Variants in CLIP2 observed in about 807,000 individuals in gnomAD.
CLIP2 encodes CAP-Gly domain containing linker protein 2.
In CLIP2, 41 loss-of-function variants were observed where a neutral mutation model predicts 111.7. The observed-to-expected ratio is 0.37, with a 90% CI of 0.29 to 0.48. The LOEUF is 0.48. Ranked by LOEUF, CLIP2 falls within the 20% of genes least tolerant of loss-of-function variation. The pLI, the probability that CLIP2 is intolerant of heterozygous loss-of-function variation, is 0.99. For synonymous variants in CLIP2, 660 were observed against 644.2 expected, an observed-to-expected ratio of 1.02 and a Z score of -0.37; for missense variants, 1,160 against 1,422.1, an observed-to-expected ratio of 0.82 and a Z score of 2.96.
Position 74,392,869 on chromosome 7 carries a change from A to T in CLIP2, c.2720+3610A>T, listed in dbSNP as rs76274003. Among the ~76,000 whole-genome samples the T allele has an allele frequency of 1.3e-3, 195 of 152,192 alleles. No homozygotes were observed. The East Asian group carries it at 0.025, about 20-fold the overall frequency. On this transcript the variant is annotated intron_variant, in intron 13 of 16. Transcript: ENST00000223398. ...ATTTTAAAAAATAACAAATGGCAAG[A>T]CCTAACAACACAGGACAGACTTCCA...
At chr7:74,399,542 T>TTGG (rs1491240525) in intron 14 of CLIP2, among the ~76,000 whole-genome samples, 7 of 44,602 alleles carry the variant, frequency 1.6e-4, no homozygotes, top group African/African-American at 4.6e-4. Context: ...AGTCTTTTTT[T>TTGG]GGGGGGGGGG....
intron 2 of CLIP2, among the ~76,000 whole-genome samples, chr7:74,335,557 C>G (rs1350798636): frequency 1.5e-5 from 2 of 135,762 alleles, no homozygotes; most frequent in East Asian, 4.4e-4. Flanking sequence ...GCAGGCTGTT[C>G]TTGAACTCCT....
chr7:74,338,404 G>A lies in CLIP2; in HGVS notation c.122-44G>A. 4.4e-6 allele frequency: 7 copies of A among 1,594,036 alleles called. No individual in the cohort carries two copies. Among genetic ancestry groups the A allele is most frequent in the Non-Finnish European group, 6.0e-6 (7 of 1,171,808 alleles). On this transcript the variant is annotated intron_variant, in intron 2 of 16. Transcript: ENST00000223398. The surrounding 1 kb of genome is among the most constrained non-coding windows in gnomAD (Gnocchi z 4.3). ...TGCTCCTGGGGCCACCCAGGGGCCAGCCCTAACAGCCACCTCTTTCCCTTT... is the reference window on the plus strand; with the variant it reads ...TGCTCCTGGGGCCACCCAGGGGCCAACCCTAACAGCCACCTCTTTCCCTTT...
Position 74,338,126 on chromosome 7 carries a change from C to T in CLIP2, c.122-322C>T, listed in dbSNP as rs1274673920. Among the ~76,000 whole-genome samples, 2 of 152,104 alleles carry T rather than the reference C, an allele frequency of 1.3e-5. No homozygotes were observed. Among genetic ancestry groups the T allele is most frequent in the African/African-American group, 4.8e-5 (2 of 41,410 alleles). On this transcript the variant is annotated intron_variant, in intron 2 of 16. Transcript: ENST00000223398. The surrounding 1 kb of genome is among the most constrained non-coding windows in gnomAD (Gnocchi z 4.3). The stretch of plus-strand genomic sequence containing the variant: ...GCTGAGGTAGAGGATTGCTGGAGCC[C>T]AGGAAGTCAAGACTGCAGTGAGCCA...
rs376389922 is a variant in CLIP2, at chr7:74,344,599, C to T, written c.678+5595C>T. Among the ~76,000 whole-genome samples, 39 of 152,020 alleles carry T rather than the reference C, an allele frequency of 2.6e-4. 1 individual carries two copies. The East Asian group carries it at 6.0e-3, about 23-fold the overall frequency. On this transcript the variant is annotated intron_variant, in intron 3 of 16. Transcript: ENST00000223398. ...ATTTTTTTTGCAGAGATGGGGGTCT[C>T]GCTACATTCCTCAGGCTGGCCTCAA...
chr7:74,392,614 G>A (rs544896987), intron 13 of CLIP2, among the ~76,000 whole-genome samples: 1 of 152,122 alleles, frequency 6.6e-6, no homozygotes, highest in East Asian at 1.9e-4. Flanking sequence ...ATCACCTGAG[G>A]TCAGGAGTTC....
At chr7:74,400,581 C>T (rs539951413) in intron 15 of CLIP2, 26 bp downstream of exon 15, 2 of 1,514,318 alleles carry the variant, frequency 1.3e-6, no homozygotes, top group East Asian at 2.5e-5. Context: ...CAGGGCCCAC[C>T]AGGAGGCAAG....
intron 1 of CLIP2, among the ~76,000 whole-genome samples, chr7:74,295,409 A>G (rs1205452468): frequency 1.3e-5 from 2 of 152,100 alleles, no homozygotes; most frequent in African/African-American, 4.8e-5. Flanking sequence ...ATTCTCCCAC[A>G]TTGAGTGTGA....
chr7:74,374,366 C>A (rs1158280765), intron 9 of CLIP2, among the ~76,000 whole-genome samples: 3 of 152,288 alleles, frequency 2.0e-5, no homozygotes, highest in African/African-American at 7.2e-5. Flanking sequence ...TCACGGCGGA[C>A]CGGCCGGAGC....
At chr7:74,361,322 A>G (rs1790327594) in intron 7 of CLIP2, among the ~76,000 whole-genome samples, 1 of 150,796 alleles carries the variant, frequency 6.6e-6, no homozygotes, top group African/African-American at 2.4e-5. Context: ...GGTTCAAGCA[A>G]TTCTCCTCCC....
In CLIP2 at chr7:74,376,041, A is replaced by G. The variant is rs782644957; in HGVS notation, c.1640A>G (p.Glu547Gly). 1.2e-6 allele frequency: 2 copies of G among 1,612,618 alleles called. No homozygotes were observed. Among genetic ancestry groups the G allele is most frequent in the Non-Finnish European group, 1.7e-6 (2 of 1,179,864 alleles). ...GCCGCCGAGATCCTGCGGCTACGGG[A>G]GCGGCTGCTCTCGGCCAGCAAGGAA... ...PDAAEILRLRERLLSASKEHQ... is the reference protein window; with the variant it reads ...PDAAEILRLRGRLLSASKEHQ... Residue 547 changes from glutamate to glycine, a missense_variant, in exon 10 of 17, where the codon GAG becomes GGG. Physicochemically the swap from Glu to Gly is moderately conservative, Grantham distance 98. Around this residue, in one of 5 missense-constraint regions of CLIP2, gnomAD observed 676 missense variants for 777.8 expected, o/e 0.87. Transcript: ENST00000223398. The surrounding 1 kb of genome is among the most constrained non-coding windows in gnomAD (Gnocchi z 7.1).
At chr7:74,308,034 C>T (rs1462599326) in intron 1 of CLIP2, among the ~76,000 whole-genome samples, 1 of 152,076 alleles carries the variant, frequency 6.6e-6, no homozygotes, top group Non-Finnish European at 1.5e-5. Context: ...GGTGGCATGA[C>T]GAAGACAGAC....
In CLIP2 at chr7:74,317,667, G is replaced by C. The variant is rs782459504; in HGVS notation, c.121G>C (p.Gly41Arg). The C allele has an allele frequency of 3.4e-6, 5 of 1,459,426 alleles. No individual in the cohort carries two copies. The South Asian group carries it at 7.5e-5, about 22-fold the overall frequency. The allele number at this position is 1,459,426 out of a possible 1,614,324, so 90.4% of individuals were successfully genotyped here. Residue 41 changes from glycine to arginine, a missense_variant and splice_region_variant, in exon 2 of 17, where the codon GGC becomes CGC. Gly to Arg is a moderately radical substitution (Grantham distance 125, BLOSUM62 -2). Coordinates refer to ENST00000223398, the MANE Select transcript of CLIP2 (RefSeq NM_003388.5). ...GGCGGTGGCCGCTAGCTCCAAGGAA[G>C]GTACGTGGCACACCAAGGATGGGGG... Reference protein sequence around the residue: ...SAAVAASSKEGSPLHKQSSGP... With the variant: ...SAAVAASSKERSPLHKQSSGP...
chr7:74,346,291 A>T (rs1488561962), intron 3 of CLIP2, among the ~76,000 whole-genome samples: 2 of 152,166 alleles, frequency 1.3e-5, no homozygotes, highest in East Asian at 3.9e-4. Flanking sequence ...ATGAAGATAA[A>T]TTTTTTTAAA....
At position 74,324,818 on chromosome 7, in the gene CLIP2, GAA is replaced by G. The variant is rs11318033; in HGVS notation, c.121+7170_121+7171del. Among the ~76,000 whole-genome samples the G allele has an allele frequency of 1.8e-3, 167 of 95,158 alleles. 1 individual carries two copies. The highest frequency in any genetic ancestry group is 5.3e-3 in the South Asian group (15 of 2,818). The allele number at this position is 95,158 out of a possible 152,430, so 62.4% of individuals were successfully genotyped here. A position where few individuals can be genotyped will look rare whatever the true frequency, so the allele number is the denominator to read the frequency against. On this transcript the variant is annotated intron_variant, in intron 2 of 16. Transcript: ENST00000223398. ...TTTTGTTCCTGTTCCAAGATCTTGA[GAA>G]AAAAAAAAAAAAAAAAAAGCCTCTG...
rs782694958 is a variant in CLIP2, at chr7:74,401,532, G to A, written c.3094G>A (p.Gly1032Ser). The A allele has an allele frequency of 5.6e-6, 9 of 1,613,972 alleles. No homozygotes were observed. The highest frequency in any genetic ancestry group is 5.0e-5 in the Admixed American group (3 of 59,980). ...QTIGNSGSAN[G>S]IHQQDKAQKQ... The stretch of plus-strand genomic sequence containing the variant: ...CATCGGCAATTCCGGTTCTGCAAAC[G>A]GCATCCACCAGCAGGACAAAGCTCA... Residue 1032 changes from glycine (G) to serine (S), a missense_variant, in exon 16 of 17, where the codon GGC (glycine) becomes AGC (serine). By Grantham distance (56) the Gly-to-Ser change is moderately conservative. Transcript: ENST00000223398.
intron 12 of CLIP2, chr7:74,388,820 A>G (rs1456101073): frequency 6.7e-5 from 17 of 253,272 alleles, no homozygotes; most frequent in African/African-American, 3.8e-4. Flanking sequence ...GCCAGGTATG[A>G]TGGTGCACTC....
At chr7:74,348,409 G>A (rs990871508) in intron 3 of CLIP2, among the ~76,000 whole-genome samples, 1 of 152,026 alleles carries the variant, frequency 6.6e-6, no homozygotes, top group East Asian at 1.9e-4. Context: ...TAACCCCAGT[G>A]CGTTGGGAGG....
chr7:74,344,032 G>A (rs1389723492), intron 3 of CLIP2, among the ~76,000 whole-genome samples: 1 of 152,198 alleles, frequency 6.6e-6, no homozygotes, highest in African/African-American at 2.4e-5. Flanking sequence ...ACCCTGTTGG[G>A]GTGGGAAGTG....
Sources: allele counts gnomAD v4.1 joint callset (sites outside exome capture counted in the v4.1 genomes callset), GRCh38; gene constraint gnomAD v4.1.1; regional missense constraint gnomAD v4.1.1; non-coding constraint Gnocchi (gnomAD v3.1); transcripts MANE v1.5; gene names NCBI Gene and HGNC (gene_info 2026-07-23, HGNC 2026-07-21).